TMCO4: variants seen among roughly 807,000 people sequenced by gnomAD.
TMCO4 encodes the protein transmembrane and coiled-coil domains 4.
A neutral mutation model predicts 64.7 loss-of-function variants in TMCO4; 58 were observed. The observed-to-expected ratio is 0.90, with a 90% confidence interval of 0.73 to 1.12. TMCO4 has a LOEUF of 1.12. Ranked by LOEUF, TMCO4 falls within the 50% of genes most tolerant of loss-of-function variation. The pLI is 0.00. For synonymous variants in TMCO4, 325 were observed against 346.1 expected, an observed-to-expected ratio of 0.94 and a Z score of 0.68; for missense variants, 780 against 825.9, an observed-to-expected ratio of 0.94 and a Z score of 0.68.
At chr1:19,689,469 A>G (rs939399533) in intron 15 of TMCO4, among the ~76,000 whole-genome samples, 3 of 152,286 alleles carry the variant, frequency 2.0e-5, no homozygotes, top group East Asian at 1.9e-4. Flanking sequence ...TGCACCAAGC[A>G]TCTTACATGC....
intron 10 of TMCO4, among the ~76,000 whole-genome samples, chr1:19,741,940 T>C (rs955283191): frequency 3.3e-5 from 5 of 151,988 alleles, no homozygotes; most frequent in Admixed American, 3.3e-4. Context: ...GGTTTCATCA[T>C]ATTGGCCAGG....
chr1:19,709,786 T>C (rs2100673638), intron 13 of TMCO4, among the ~76,000 whole-genome samples: 1 of 151,714 alleles, frequency 6.6e-6, no homozygotes, highest in African/African-American at 2.4e-5. Context: ...TTTTTTTTTC[T>C]TTTCTTTCTT....
chr1:19,734,895 G>A lies in TMCO4; in HGVS notation c.1264+2477C>T, dbSNP rs11591154. On this transcript the variant is annotated intron_variant, in intron 13 of 15. Coordinates refer to ENST00000294543, the MANE Select transcript of TMCO4 (RefSeq NM_181719.7). This position sits in a 1 kb window ranked among gnomAD's most constrained non-coding sequence, Gnocchi z 4.4. ...CCTCCCTCCTGTGGCTGCAGTGAGG[G>A]AGGAATGTGATCACACTTGCAAGTG... is the stretch of plus-strand genomic sequence containing the variant. Among the ~76,000 whole-genome samples the A allele has an allele frequency of 0.25, 37,269 of 152,014 alleles. 4,704 individuals carry two copies. Among genetic ancestry groups the A allele is most frequent in the East Asian group, 0.35 (1,809 of 5,138 alleles).
chr1:19,769,320 C>T (rs55653954), intron 6 of TMCO4, among the ~76,000 whole-genome samples: 15,423 of 152,164 alleles, frequency 0.1, 907 homozygotes, highest in Non-Finnish European at 0.13. Flanking sequence ...GCCCCTCACC[C>T]CTCCTCTCTC....
chr1:19,705,661 C>T (rs2095299167), intron 13 of TMCO4, among the ~76,000 whole-genome samples: 1 of 151,842 alleles, frequency 6.6e-6, no homozygotes, highest in African/African-American at 2.4e-5. Context: ...TAGACCCACC[C>T]AAGGTAGATA....
chr1:19,689,602 C>T (rs2095176360), intron 15 of TMCO4, among the ~76,000 whole-genome samples: 1 of 152,364 alleles, frequency 6.6e-6, no homozygotes, highest in South Asian at 2.1e-4. Context: ...GGATTCTAAG[C>T]CATGCCTCTC....
At chr1:19,728,141 A>G (rs1019550614) in intron 13 of TMCO4, among the ~76,000 whole-genome samples, 2 of 152,182 alleles carry the variant, frequency 1.3e-5, no homozygotes, top group African/African-American at 4.8e-5. Context: ...AATCTGCACA[A>G]CAAACTCCAG....
intron 6 of TMCO4, among the ~76,000 whole-genome samples, chr1:19,760,021 G>A (rs542185754): frequency 1.5e-3 from 225 of 152,176 alleles, no homozygotes; most frequent in Non-Finnish European, 2.7e-3. Flanking sequence ...CCTCCACTGA[G>A]ACTCCCTCTC....
chr1:19,713,041 T>C (rs2095338728), intron 13 of TMCO4, among the ~76,000 whole-genome samples: 1 of 152,114 alleles, frequency 6.6e-6, no homozygotes, highest in African/African-American at 2.4e-5. Flanking sequence ...GGTGAGGTTC[T>C]AGGAGAGAGT....
Position 19,694,329 on chromosome 1 carries a change from T to C in TMCO4, c.1500+105A>G, listed in dbSNP as rs558984299. 2.5e-5 allele frequency: 23 copies of C among 919,474 alleles called. No individual in the cohort carries two copies. The Admixed American group carries it at 4.7e-4, about 19-fold the overall frequency. 57.0% of individuals were successfully genotyped at this position (919,474 alleles called of 1,614,324 possible). On this transcript the variant is annotated intron_variant, in intron 15 of 15. Transcript: ENST00000294543. ...AAATAAATTCTTATGATCTTTCTCC[T>C]GTGGCGTGGACCAGGCTGGGGCCAC...
chr1:19,726,577 GTAAAATGGGGATAAT>G (rs1181142641), intron 13 of TMCO4, among the ~76,000 whole-genome samples: 1 of 152,148 alleles, frequency 6.6e-6, no homozygotes, highest in Non-Finnish European at 1.5e-5. Context: ...TTCCTCATCT[GTAAAATGGGGATAAT>G]TAAAACCTCA....
chr1:19,790,943 T>C (rs939923593), intron 2 of TMCO4, among the ~76,000 whole-genome samples: 3 of 151,888 alleles, frequency 2.0e-5, no homozygotes, highest in Admixed American at 2.0e-4. Context: ...ATAAAGAAAA[T>C]GTGGTACATA....
chr1:19,684,942 A>G (rs555569859), intron 15 of TMCO4, among the ~76,000 whole-genome samples: 23 of 152,336 alleles, frequency 1.5e-4, no homozygotes, highest in Non-Finnish European at 2.4e-4. Flanking sequence ...CAAGAGGGAA[A>G]TTTGGTCCTT....
At chr1:19,768,218 C>A (rs185119710) in intron 6 of TMCO4, among the ~76,000 whole-genome samples, 251 of 152,288 alleles carry the variant, frequency 1.6e-3, no homozygotes, top group African/African-American at 5.8e-3. Context: ...CCAGCACAAG[C>A]CCTTAGCGCC....
Position 19,734,965 on chromosome 1 carries a change from G to A in TMCO4, c.1264+2407C>T, listed in dbSNP as rs1327010794. 2.0e-5 allele frequency among the ~76,000 whole-genome samples: 3 copies of A among 152,092 alleles called. No homozygotes were observed. Among genetic ancestry groups the A allele is most frequent in the African/African-American group, 7.2e-5 (3 of 41,416 alleles). ...CCCGGTGGATCTGCACTAGCTCGTGGGCACAGCAGCATGTGCCTGATTCCC... is the reference window on the plus strand; with the variant it reads ...CCCGGTGGATCTGCACTAGCTCGTGAGCACAGCAGCATGTGCCTGATTCCC... On this transcript the variant is annotated intron_variant, in intron 13 of 15. Transcript: ENST00000294543. The surrounding 1 kb of genome is among the most constrained non-coding windows in gnomAD (Gnocchi z 4.4).
rs538548597 is a variant in TMCO4, at chr1:19,769,366, G to T, written c.382+1176C>A. Among the ~76,000 whole-genome samples, 5 of 152,214 alleles carry T rather than the reference G, an allele frequency of 3.3e-5. No individual in the cohort carries two copies. In the South Asian group the frequency reaches 1.0e-3, roughly 32 times the overall value. ...GCTGAAGCCGGCCATCTGCATACCT[G>T]CCCAGGTGAAATCCATCCCACTCTC... On this transcript the variant is annotated intron_variant, in intron 6 of 15. Coordinates refer to ENST00000294543, the MANE Select transcript of TMCO4 (RefSeq NM_181719.7).
intron 13 of TMCO4, among the ~76,000 whole-genome samples, chr1:19,712,481 G>A (rs958269000): frequency 1.8e-4 from 28 of 152,006 alleles, no homozygotes; most frequent in African/African-American, 4.1e-4. Context: ...TTAGCCAGGC[G>A]TGGTGGCAGG....
intron 14 of TMCO4, among the ~76,000 whole-genome samples, chr1:19,696,536 G>A (rs2095238459): frequency 6.6e-6 from 1 of 151,522 alleles, no homozygotes; most frequent in Non-Finnish European, 1.5e-5. Context: ...GGGCAACAGA[G>A]TGAGACCTTG....
At chr1:19,742,763 G>A (rs368627182) in intron 10 of TMCO4, among the ~76,000 whole-genome samples, 2 of 152,222 alleles carry the variant, frequency 1.3e-5, no homozygotes, top group South Asian at 2.1e-4. Flanking sequence ...TGACTCAGGT[G>A]TGGTGGGGAT....
Sources: gnomAD v4.1 joint callset for allele counts (sites outside exome capture counted in the v4.1 genomes callset) on GRCh38, gnomAD v4.1.1 for gene constraint, Gnocchi (gnomAD v3.1) non-coding constraint, MANE v1.5 for transcripts, NCBI Gene and HGNC (gene_info 2026-07-23, HGNC 2026-07-21) for gene names.